UTRN: variants seen among roughly 807,000 people sequenced by gnomAD.
UTRN encodes the protein dystrophin-related protein 1.
UTRN carries 283 observed loss-of-function variants against 463.9 expected under a neutral mutation model. The ratio of observed to expected loss-of-function variants is 0.61; its 90% CI spans 0.55 to 0.67. The LOEUF is 0.67. UTRN is among the 30% of genes least tolerant of loss of function. The pLI is 0.00. For synonymous variants in UTRN, 1,442 were observed against 1,431.5 expected (o/e 1.01, Z -0.17); for missense variants, 3,922 against 4,084.3 (o/e 0.96, Z 1.08).
chr6:144,811,708 T>C lies in UTRN; in HGVS notation c.9357+8561T>C, dbSNP rs146873448. 1.7e-3 allele frequency among the ~76,000 whole-genome samples: 253 copies of C among 150,886 alleles called. 1 individual carries two copies. The highest frequency in any genetic ancestry group is 6.0e-3 in the African/African-American group (244 of 40,836). ...TTCAACTTGTTGAAATCATTGAAACTTAAATAAAAACTGAGAGGTTGTTTT... is the reference window on the plus strand; with the variant it reads ...TTCAACTTGTTGAAATCATTGAAACCTAAATAAAAACTGAGAGGTTGTTTT... On this transcript the variant is annotated intron_variant, in intron 65 of 74. Coordinates refer to ENST00000367545, the MANE Select transcript of UTRN (RefSeq NM_007124.3).
intron 14 of UTRN, 60 bp from the exon 15 acceptor site, chr6:144,447,151 A>G: frequency 2.7e-6 from 4 of 1,495,228 alleles, no homozygotes; most frequent in Non-Finnish European, 3.7e-6. Flanking sequence ...TGGATGCATG[A>G]TTTAATTGAA....
At chr6:144,686,619 T>A (rs778947577) in intron 52 of UTRN, among the ~76,000 whole-genome samples, 1 of 152,184 alleles carries the variant, frequency 6.6e-6, no homozygotes. Flanking sequence ...TCTTGTTGGA[T>A]TGATCCTTTT....
Position 144,440,404 on chromosome 6 carries a change from A to G in UTRN, c.1445A>G (p.His482Arg). The G allele has an allele frequency of 6.2e-7, 1 of 1,614,230 alleles. No individual in the cohort carries two copies. The highest frequency in any genetic ancestry group is 8.5e-7 in the Non-Finnish European group (1 of 1,180,028). ...AEQVKVNSLT[H>R]MVVIVDENSG... ...CAGGTGAAAGTAAATTCACTAACTCACATGGTGGTCATTGTTGATGAAAAC... is the reference window on the plus strand; with the variant it reads ...CAGGTGAAAGTAAATTCACTAACTCGCATGGTGGTCATTGTTGATGAAAAC... The change falls in exon 13 of 75, where the codon CAC becomes CGC. Residue 482 changes from histidine (H) to arginine (R), a missense_variant. Physicochemically the swap from His to Arg is conservative, Grantham distance 29. Coordinates refer to ENST00000367545, the MANE Select transcript of UTRN (RefSeq NM_007124.3).
intron 48 of UTRN, 103 bp from the exon 49 acceptor site, chr6:144,554,585 C>A: frequency 8.1e-7 from 1 of 1,229,650 alleles, no homozygotes; most frequent in Non-Finnish European, 1.1e-6. Flanking sequence ...TTGCCTTCTT[C>A]TGTTTATAGA....
At chr6:144,812,496 T>A (rs1003281685) in intron 65 of UTRN, among the ~76,000 whole-genome samples, 6 of 152,148 alleles carry the variant, frequency 3.9e-5, no homozygotes, top group African/African-American at 1.4e-4. Context: ...GATTTCAGCA[T>A]AAAGTAAGAT....
chr6:144,471,330 C>T (rs1292965663), intron 23 of UTRN, among the ~76,000 whole-genome samples: 2 of 152,104 alleles, frequency 1.3e-5, no homozygotes, highest in Non-Finnish European at 2.9e-5. Flanking sequence ...TTAAAACTTC[C>T]TTGAAATATA....
rs1394393058 is a variant in UTRN, at chr6:144,345,766, G to A, written c.79+53859G>A. On this transcript the variant is annotated intron_variant, in intron 2 of 74. Transcript: ENST00000367545. ...ATCCTCTCTCTTTCCCCACCATTAAGAGTCTCTGTGGTCAGCTAGTCTTCA... is the reference window on the plus strand; with the variant it reads ...ATCCTCTCTCTTTCCCCACCATTAAAAGTCTCTGTGGTCAGCTAGTCTTCA... Among the ~76,000 whole-genome samples the A allele has an allele frequency of 3.9e-5, 6 of 152,276 alleles. No individual in the cohort carries two copies. In the South Asian group the frequency reaches 1.2e-3, roughly 32 times the overall value.
chr6:144,728,967 A>G (rs756069581), intron 53 of UTRN, among the ~76,000 whole-genome samples: 12 of 152,138 alleles, frequency 7.9e-5, no homozygotes, highest in Non-Finnish European at 1.8e-4. Flanking sequence ...GTCCAAGCAC[A>G]CTTTCCAGTA....
Position 144,516,955 on chromosome 6 carries a change from T to TG in UTRN, c.5541+8dup. On this transcript the variant is annotated splice_region_variant and intron_variant, in intron 39 of 74. Transcript: ENST00000367545. The stretch of plus-strand genomic sequence containing the variant: ...TAGATACAACAAAATTAAGGTATTA[T>TG]GATTGGAGAGTCTCTGTTGCATTTA... 6.8e-7 allele frequency: 1 copy of TG among 1,462,544 alleles called. No individual in the cohort carries two copies. The highest frequency in any genetic ancestry group is 9.0e-7 in the Non-Finnish European group (1 of 1,111,248). The allele number at this position is 1,462,544 out of a possible 1,614,324, so 90.6% of individuals were successfully genotyped here.
intron 53 of UTRN, among the ~76,000 whole-genome samples, chr6:144,723,111 G>A (rs1173263584): frequency 6.6e-6 from 1 of 152,144 alleles, no homozygotes; most frequent in East Asian, 1.9e-4. Flanking sequence ...AAGACAGAGT[G>A]AATCCATACC....
rs149818215 is a variant in UTRN at position 144,573,659 on chromosome 6, G to T, written c.7290-3440G>T. On this transcript the variant is annotated intron_variant, in intron 50 of 74. Coordinates refer to ENST00000367545, the MANE Select transcript of UTRN (RefSeq NM_007124.3). ...TACAGTGAGCTGAGATCACACCACT[G>T]CACTCCAGCCTTGGTGACAGAGCAA... Among the ~76,000 whole-genome samples the T allele has an allele frequency of 3.6e-3, 549 of 152,026 alleles. 3 individuals are homozygous for T. Among genetic ancestry groups the T allele is most frequent in the African/African-American group, 0.011 (471 of 41,434 alleles).
intron 6 of UTRN, among the ~76,000 whole-genome samples, chr6:144,424,513 C>T (rs959220292): frequency 6.6e-6 from 1 of 152,176 alleles, no homozygotes; most frequent in African/African-American, 2.4e-5. Flanking sequence ...AATAGAGCCC[C>T]TCTCTGAAGT....
intron 40 of UTRN, among the ~76,000 whole-genome samples, chr6:144,522,763 G>A (rs1403779421): frequency 6.6e-6 from 1 of 151,840 alleles, no homozygotes; most frequent in Non-Finnish European, 1.5e-5. Context: ...AGCCTTTCAT[G>A]TGTTCTGTAC....
intron 34 of UTRN, among the ~76,000 whole-genome samples, chr6:144,503,723 A>C (rs1269069366): frequency 6.6e-6 from 1 of 152,166 alleles, no homozygotes; most frequent in Non-Finnish European, 1.5e-5. Flanking sequence ...TTTCTTGGCT[A>C]TATGGGCTCT....
At chr6:144,495,753 C>T (rs567985462) in intron 33 of UTRN, among the ~76,000 whole-genome samples, 21 of 152,330 alleles carry the variant, frequency 1.4e-4, no homozygotes, top group Non-Finnish European at 2.9e-4. Flanking sequence ...GTTAATAATT[C>T]CAAATTTCAA....
chr6:144,636,188 T>C (rs1291063997), intron 51 of UTRN, among the ~76,000 whole-genome samples: 1 of 152,178 alleles, frequency 6.6e-6, no homozygotes, highest in African/African-American at 2.4e-5. Flanking sequence ...ATGTGGCACA[T>C]ATACACCATG....
In UTRN at chr6:144,479,851, A is replaced by G. The variant is rs771869803; in HGVS notation, c.3376A>G (p.Lys1126Glu). The G allele has an allele frequency of 5.0e-6, 8 of 1,613,924 alleles. 1 individual carries two copies. The Admixed American group carries it at 1.2e-4, about 24-fold the overall frequency. ...AAGTAGGTTGTCTGAAAGTCAAGAA[A>G]AAGCTGCGAACCTGAAGAAAGACTT... ...QKSRLSESQE[K>E]AANLKKDLAE... is the part of the protein sequence containing the mutation. Residue 1126 changes from lysine to glutamate, a missense_variant, in exon 26 of 75, where the codon AAA becomes GAA. Around this residue, in one of 3 missense-constraint regions of UTRN, gnomAD observed 2,349 missense variants for 2,303.8 expected, o/e 1.02. Coordinates refer to ENST00000367545, the MANE Select transcript of UTRN (RefSeq NM_007124.3).
At chr6:144,307,917 T>A (rs1459947350) in intron 2 of UTRN, among the ~76,000 whole-genome samples, 2 of 152,142 alleles carry the variant, frequency 1.3e-5, no homozygotes, top group Non-Finnish European at 2.9e-5. Flanking sequence ...GAAATTTCTT[T>A]GTCAAAGTGT....
intron 54 of UTRN, among the ~76,000 whole-genome samples, chr6:144,732,277 T>TATAC (rs1788740544): frequency 7.9e-5 from 7 of 88,766 alleles, no homozygotes; most frequent in African/African-American, 3.0e-4. Flanking sequence ...TATATATATA[T>TATAC]ACACACATAT....
Sources: allele counts gnomAD v4.1 joint callset (sites outside exome capture counted in the v4.1 genomes callset), GRCh38; gene constraint gnomAD v4.1.1; regional missense constraint gnomAD v4.1.1; transcripts MANE v1.5; gene names NCBI Gene and HGNC (gene_info 2026-07-23, HGNC 2026-07-21).